Variants in ST7 observed in about 807,000 individuals in gnomAD.
ST7 encodes suppressor of tumorigenicity 7 protein.
A neutral mutation model predicts 78.7 loss-of-function variants in ST7; 28 were observed. The ratio of observed to expected loss-of-function variants is 0.36; its 90% CI spans 0.26 to 0.49. ST7 has a LOEUF of 0.49. Ranked by LOEUF, ST7 falls within the 20% of genes least tolerant of loss-of-function variation. The pLI, the probability that ST7 is intolerant of heterozygous loss-of-function variation, is 0.99. For synonymous variants in ST7, 247 were observed against 249.6 expected (o/e 0.99, Z 0.10); for missense variants, 418 against 696.0 (o/e 0.60, Z 4.49).
intron 1 of ST7, chr7:116,959,136 C>A (rs1792689424): frequency 4.3e-6 from 2 of 460,726 alleles, no homozygotes; most frequent in Non-Finnish European, 8.8e-6. Context: ...ATTCTAAATC[C>A]TTTGTTGTCA....
At chr7:117,170,565 C>T (rs1480310383) in intron 9 of ST7, among the ~76,000 whole-genome samples, 2 of 152,106 alleles carry the variant, frequency 1.3e-5, no homozygotes, top group African/African-American at 2.4e-5. Flanking sequence ...CCTGTAGTCC[C>T]AGCTACTTGG....
In ST7 at chr7:116,953,584, G is replaced by A; in HGVS notation, c.44G>A (p.Cys15Tyr). ...GGCTTTCTGGAGCAGCTCAAGTCCT[G>A]CATAGTTTGGTCTTGGACGTATCTG... ...ATGFLEQLKS[C>Y]IVWSWTYLWT... is the part of the protein sequence containing the mutation. The change falls in exon 1 of 16, where the codon TGC becomes TAC. Residue 15 changes from cysteine (C) to tyrosine (Y), a missense_variant. Physicochemically the swap from Cys to Tyr is radical, Grantham distance 194. Transcript: ENST00000323984. The A allele has an allele frequency of 4.0e-6, 6 of 1,488,660 alleles. No homozygotes were observed. In the South Asian group the frequency reaches 4.8e-5, roughly 12 times the overall value. 92.2% of individuals were successfully genotyped at this position (1,488,660 alleles called of 1,614,324 possible). A position where few individuals can be genotyped will look rare whatever the true frequency, so the allele number is the denominator to read the frequency against.
intron 10 of ST7, among the ~76,000 whole-genome samples, chr7:117,181,187 T>C (rs1052751104): frequency 2.6e-5 from 4 of 152,166 alleles, no homozygotes; most frequent in Admixed American, 2.0e-4. Flanking sequence ...AAGATCAGAA[T>C]GACAGATAGC....
rs1408616756 is a variant in ST7 at position 116,955,244 on chromosome 7, G to A, written c.151+1553G>A. On this transcript the variant is annotated intron_variant, in intron 1 of 15. Transcript: ENST00000323984. Reference sequence around the variant, plus strand: ...TTTTAATGGAATTACGTATTTGTTGGTAACAGTGTTAGTCTGTTTTGTGCT... The same window carrying A: ...TTTTAATGGAATTACGTATTTGTTGATAACAGTGTTAGTCTGTTTTGTGCT... The A allele has an allele frequency of 1.3e-5, 5 of 392,216 alleles. No homozygotes were observed. The East Asian group carries it at 3.0e-4, about 23-fold the overall frequency. 24.3% of individuals were successfully genotyped at this position (392,216 alleles called of 1,614,324 possible).
chr7:116,972,130 G>C (rs1431028319), intron 1 of ST7: 2 of 552,874 alleles, frequency 3.6e-6, no homozygotes, highest in East Asian at 7.9e-5. Context: ...GTCAGGGTCA[G>C]AGGGAGGAGC....
At chr7:116,990,426 G>A (rs1458892727) in intron 1 of ST7, among the ~76,000 whole-genome samples, 8 of 152,036 alleles carry the variant, frequency 5.3e-5, no homozygotes. Flanking sequence ...TAAGGGGTTA[G>A]TGTTGTTTTG....
intron 1 of ST7, among the ~76,000 whole-genome samples, chr7:116,967,712 G>T (rs1460369121): frequency 6.6e-6 from 1 of 152,184 alleles, no homozygotes; most frequent in Non-Finnish European, 1.5e-5. Flanking sequence ...GAGATACTAT[G>T]AAAAAAGCCT....
chr7:117,068,252 C>G (rs1170091635), intron 1 of ST7, among the ~76,000 whole-genome samples: 1 of 151,318 alleles, frequency 6.6e-6, no homozygotes, highest in African/African-American at 2.4e-5. Context: ...TTTCACTATT[C>G]TTTCATTTTA....
chr7:117,195,176 T>C (rs1810192098), intron 12 of ST7, among the ~76,000 whole-genome samples: 1 of 152,078 alleles, frequency 6.6e-6, no homozygotes, highest in Admixed American at 6.5e-5. Flanking sequence ...AGCATAGGGC[T>C]CTTAACATGG....
intron 1 of ST7, among the ~76,000 whole-genome samples, chr7:116,997,268 C>G (rs182753990): frequency 4.6e-5 from 7 of 152,114 alleles, no homozygotes; most frequent in Non-Finnish European, 1.0e-4. Flanking sequence ...TGGAAGGGGA[C>G]CCGAGTGGGT....
intron 10 of ST7, among the ~76,000 whole-genome samples, chr7:117,175,017 G>A (rs563934290): frequency 3.9e-5 from 6 of 152,306 alleles, no homozygotes; most frequent in East Asian, 3.9e-4. Flanking sequence ...TTTCAGTGAC[G>A]CCTCATTGTC....
intron 1 of ST7, among the ~76,000 whole-genome samples, chr7:117,043,773 T>G (rs1408264753): frequency 1.3e-5 from 2 of 152,202 alleles, no homozygotes; most frequent in African/African-American, 2.4e-5. Flanking sequence ...TGCTATCAAT[T>G]TTTAAGTCCA....
chr7:116,978,967 G>T (rs938298818), intron 1 of ST7, among the ~76,000 whole-genome samples: 7 of 152,156 alleles, frequency 4.6e-5, no homozygotes, highest in African/African-American at 1.7e-4. Flanking sequence ...TAATAATAAA[G>T]AATGTTTTAT....
rs555658909 is a variant in ST7, at chr7:117,130,843, A to G, written c.565+237A>G. On this transcript the variant is annotated intron_variant, in intron 5 of 15. Coordinates refer to ENST00000323984, the MANE Select transcript of ST7 (RefSeq NM_001369598.1). ...ATCATGATTTTTAAAAATATATCGA[A>G]GTTGGTTTTATATATTTTAAAGAAA... Among the ~76,000 whole-genome samples the G allele has an allele frequency of 2.6e-5, 4 of 152,020 alleles. No individual in the cohort carries two copies. The South Asian group carries it at 8.3e-4, about 32-fold the overall frequency.
intron 12 of ST7, among the ~76,000 whole-genome samples, chr7:117,196,674 TTA>T (rs1810345782): frequency 1.3e-5 from 1 of 79,468 alleles, no homozygotes; most frequent in African/African-American, 4.6e-5. Context: ...TAGGAGTTGC[TTA>T]TATGTTTTCA....
chr7:117,106,788 T>C (rs960713158), intron 2 of ST7, among the ~76,000 whole-genome samples: 2 of 151,696 alleles, frequency 1.3e-5, no homozygotes, highest in Non-Finnish European at 2.9e-5. Flanking sequence ...GCCCGGCTAA[T>C]TTTTTGTATT....
chr7:117,051,210 T>G (rs971318219), intron 1 of ST7, among the ~76,000 whole-genome samples: 2 of 152,336 alleles, frequency 1.3e-5, no homozygotes, highest in Middle Eastern at 3.4e-3. Context: ...CCTTCTGTCA[T>G]GGAACTCATA....
chr7:117,189,430 A>G (rs1448362769), intron 11 of ST7, 37 bp downstream of exon 11: 12 of 1,510,716 alleles, frequency 7.9e-6, no homozygotes, highest in Non-Finnish European at 1.1e-5. Context: ...CTAATGCCTG[A>G]CCGGAATTGA....
chr7:117,055,732 G>A (rs959082877), intron 1 of ST7, among the ~76,000 whole-genome samples: 4 of 152,124 alleles, frequency 2.6e-5, no homozygotes, highest in African/African-American at 9.7e-5. Flanking sequence ...CCCCTTTCTG[G>A]TACTATTGCT....
Sources: allele counts gnomAD v4.1 joint callset (sites outside exome capture counted in the v4.1 genomes callset), GRCh38; gene constraint gnomAD v4.1.1; transcripts MANE v1.5; gene names NCBI Gene and HGNC (gene_info 2026-07-23, HGNC 2026-07-21).